The following RFT1 variants were observed in gnomAD, a reference collection of about 807,000 sequenced individuals.
RFT1 encodes RFT1 glycolipid translocator homolog, also known as man(5)GlcNAc(2)-PP-dolichol translocation protein RFT1.
In RFT1, 43 loss-of-function variants were observed where a neutral mutation model predicts 62.2. The ratio of observed to expected loss-of-function variants is 0.69; its 90% confidence interval spans 0.54 to 0.89. The LOEUF (loss-of-function observed/expected upper bound fraction) is 0.89. RFT1 is among the 40% of genes least tolerant of loss of function. The probability of loss-of-function intolerance (pLI) is 0.00; values close to 1 mark genes in which losing one functional copy is unlikely to be tolerated. For synonymous variants in RFT1, 262 were observed against 264.6 expected (o/e 0.99, Z 0.10); for missense variants, 605 against 649.9 (o/e 0.93, Z 0.75).
chr3:53,127,713 A>T (rs908061525), intron 1 of RFT1, among the ~76,000 whole-genome samples: 7 of 151,946 alleles, frequency 4.6e-5, no homozygotes, highest in Non-Finnish European at 1.0e-4. Flanking sequence ...AGGTAGGAGG[A>T]TCACTTGAAG....
intron 11 of RFT1, among the ~76,000 whole-genome samples, chr3:53,094,186 C>T (rs1203058986): frequency 6.6e-6 from 1 of 151,802 alleles, no homozygotes; most frequent in Non-Finnish European, 1.5e-5. Context: ...GAGTTTGAGA[C>T]CAGCCTGGAC....
intron 7 of RFT1, among the ~76,000 whole-genome samples, chr3:53,107,096 T>C (rs1027584404): frequency 8.0e-5 from 12 of 150,588 alleles, no homozygotes; most frequent in African/African-American, 2.4e-4. Flanking sequence ...CCAGTTAAAT[T>C]ACAAATAAAA....
chr3:53,068,186 A>G, the RFT1 span, among the ~76,000 whole-genome samples: 1 of 152,242 alleles, frequency 6.6e-6, no homozygotes, highest in Non-Finnish European at 1.5e-5. Flanking sequence ...ACTGCACCCA[A>G]TATGAGCCAA....
rs886397126 is a variant in RFT1, at chr3:53,089,681, G to C, written c.*2222C>G. ...GCCCAGGCGGCAGGGCTAGTCCTGGGAAAACACGCAGCCACATGTACAACT... is the reference window on the plus strand; with the variant it reads ...GCCCAGGCGGCAGGGCTAGTCCTGGCAAAACACGCAGCCACATGTACAACT... On this transcript the variant is annotated 3_prime_UTR_variant, in exon 13 of 13. Coordinates refer to ENST00000296292, the MANE Select transcript of RFT1 (RefSeq NM_052859.4). 6.6e-6 allele frequency: 1 copy of C among 152,298 alleles called. No individual in the cohort carries two copies. Among genetic ancestry groups the C allele is most frequent in the African/African-American group, 2.4e-5 (1 of 41,456 alleles). The allele number at this position is 152,298 out of a possible 1,614,324, so 9.4% of individuals were successfully genotyped here.
chr3:53,104,855 G>T (rs756932564), intron 9 of RFT1, among the ~76,000 whole-genome samples: 1 of 152,186 alleles, frequency 6.6e-6, no homozygotes, highest in Non-Finnish European at 1.5e-5. Context: ...TTACCAACCC[G>T]AGTATACAGA....
chr3:53,109,232 C>A (rs576116966), intron 7 of RFT1, among the ~76,000 whole-genome samples: 6 of 152,294 alleles, frequency 3.9e-5, no homozygotes, highest in Middle Eastern at 3.4e-3. Context: ...GCAAAATAGA[C>A]CTCTCCTTCC....
In RFT1 at chr3:53,105,805, T is replaced by TA; in HGVS notation, c.827-3dup. The TA allele has an allele frequency of 6.2e-7, 1 of 1,611,660 alleles. No homozygotes were observed. The highest frequency in any genetic ancestry group is 1.7e-5 in the Admixed American group (1 of 59,822). ...GATTATTCACTATATCATACACACC[T>TA]ACAAAACAAAAAAGAAGAAACAACA... On this transcript the variant is annotated splice_region_variant and splice_polypyrimidine_tract_variant and intron_variant, in intron 8 of 12. Coordinates refer to ENST00000296292, the MANE Select transcript of RFT1 (RefSeq NM_052859.4).
chr3:53,092,752 T>C, intron 11 of RFT1, 134 bp from the exon 12 acceptor site: 1 of 1,033,288 alleles, frequency 9.7e-7, no homozygotes, highest in Non-Finnish European at 1.4e-6. Context: ...TAACATCGAA[T>C]GCTACCTGGA....
chr3:53,129,888 A>G (rs1348750171), intron 1 of RFT1, among the ~76,000 whole-genome samples: 1 of 152,174 alleles, frequency 6.6e-6, no homozygotes, highest in Admixed American at 6.5e-5. Flanking sequence ...TGGGTCACGG[A>G]GCAATCCAAG....
At chr3:53,087,492 C>T (rs1486456894), downstream of RFT1, among the ~76,000 whole-genome samples, 1 of 152,094 alleles carries the variant, frequency 6.6e-6, no homozygotes, top group Non-Finnish European at 1.5e-5. Context: ...TCCTGCCTGT[C>T]TCTTCCTCAA....
the RFT1 span, among the ~76,000 whole-genome samples, chr3:53,082,182 G>T: frequency 6.6e-6 from 1 of 152,066 alleles, no homozygotes; most frequent in Non-Finnish European, 1.5e-5. Flanking sequence ...GGCTCTAATA[G>T]AGGGAGGAAC....
Position 53,112,035 on chromosome 3 carries a change from C to T in RFT1, c.697-127G>A, listed in dbSNP as rs1701667431. 8 of 757,452 alleles carry T rather than the reference C, an allele frequency of 1.1e-5. No homozygotes were observed. In the Admixed American group the frequency reaches 1.5e-4, roughly 14 times the overall value. 46.9% of individuals were successfully genotyped at this position (757,452 alleles called of 1,614,324 possible). ...ACTTGGATAGTCTCCACTGAATCCT[C>T]ATCCAATGCTAAGCACACAGAAGGC... On this transcript the variant is annotated intron_variant, in intron 6 of 12. Transcript: ENST00000296292.
intron 7 of RFT1, among the ~76,000 whole-genome samples, chr3:53,108,841 G>A (rs1424560912): frequency 6.6e-6 from 1 of 151,644 alleles, no homozygotes; most frequent in Non-Finnish European, 1.5e-5. Flanking sequence ...GCTAATTTTT[G>A]TATTTTTAGT....
chr3:53,115,384 C>T (rs991778488), intron 6 of RFT1, among the ~76,000 whole-genome samples: 1 of 152,142 alleles, frequency 6.6e-6, no homozygotes, highest in Non-Finnish European at 1.5e-5. Flanking sequence ...TAAGAGACGG[C>T]AAGCTCCTCA....
intron 6 of RFT1, among the ~76,000 whole-genome samples, chr3:53,112,845 G>A (rs1436348469): frequency 6.6e-6 from 1 of 152,128 alleles, no homozygotes; most frequent in Admixed American, 6.6e-5. Context: ...TTAAGAGACA[G>A]GTGGCCTCAA....
chr3:53,100,301 G>A (rs988429098), intron 10 of RFT1, among the ~76,000 whole-genome samples: 1 of 152,156 alleles, frequency 6.6e-6, no homozygotes, highest in Non-Finnish European at 1.5e-5. Context: ...AACAAGCTTC[G>A]GAAAAATCTT....
intron 7 of RFT1, 119 bp from the exon 8 acceptor site, chr3:53,106,988 C>T: frequency 1.4e-6 from 1 of 734,188 alleles, no homozygotes; most frequent in Non-Finnish European, 2.5e-6. Flanking sequence ...ACTAGGTAAT[C>T]AGTTAAAGAC....
chr3:53,088,456 G>C, downstream of RFT1: 1 of 152,228 alleles, frequency 6.6e-6, no homozygotes, highest in Non-Finnish European at 1.5e-5. Context: ...CTTTTGGAGG[G>C]AGAAGGGGTA....
At chr3:53,106,010 A>G (rs1701461127) in intron 8 of RFT1, among the ~76,000 whole-genome samples, 2 of 151,608 alleles carry the variant, frequency 1.3e-5, no homozygotes, top group Non-Finnish European at 2.9e-5. Context: ...GGGTGGGTGG[A>G]CTGCTTGAGC....
Sources: gnomAD v4.1 joint callset for allele counts (sites outside exome capture counted in the v4.1 genomes callset) on GRCh38, gnomAD v4.1.1 for gene constraint, MANE v1.5 for transcripts, NCBI Gene and HGNC (gene_info 2026-07-23, HGNC 2026-07-21) for gene names.